The following RBFOX1 variants were observed in gnomAD, a reference collection of about 807,000 sequenced individuals.
RBFOX1 encodes the protein RNA binding protein fox-1 homolog 1.
A neutral mutation model predicts 57.7 loss-of-function variants in RBFOX1; 8 were observed. That is an observed-to-expected ratio of 0.14 (90% CI 0.08 to 0.25). RBFOX1 has a LOEUF of 0.25. Ranked by LOEUF, RBFOX1 falls within the 10% of genes least tolerant of loss-of-function variation. The pLI is 1.00. For missense variants in RBFOX1, 611 were observed against 548.5 expected, an observed-to-expected ratio of 1.11 and a Z score of -1.14; for synonymous variants, 326 against 222.4, an observed-to-expected ratio of 1.47 and a Z score of -4.15.
At chr16:7,208,384 C>T (rs1307462548) in intron 4 of RBFOX1, among the ~76,000 whole-genome samples, 1 of 152,172 alleles carries the variant, frequency 6.6e-6, no homozygotes, top group Non-Finnish European at 1.5e-5. Flanking sequence ...GCTTATGGTT[C>T]TGCAGGCTGT....
intron 1 of RBFOX1, among the ~76,000 whole-genome samples, chr16:5,264,735 G>A (rs370649956): frequency 6.6e-6 from 1 of 152,106 alleles, no homozygotes; most frequent in South Asian, 2.1e-4. Flanking sequence ...TGCAGTGTGA[G>A]ACTTCTAGCT....
intron 2 of RBFOX1, among the ~76,000 whole-genome samples, chr16:6,407,545 G>A (rs2093326421): frequency 1.3e-5 from 1 of 78,028 alleles, no homozygotes; most frequent in African/African-American, 7.4e-5. Context: ...AGAGGGGTGT[G>A]TGTGTGTGTG....
At chr16:6,286,526 A>G (rs1412910917) in intron 1 of RBFOX1, among the ~76,000 whole-genome samples, 7 of 152,222 alleles carry the variant, frequency 4.6e-5, no homozygotes, top group Non-Finnish European at 8.8e-5. Flanking sequence ...GAAATGAGAT[A>G]TGTGCTACCC....
chr16:5,642,296 T>G (rs1292359408), intron 3 of RBFOX1, among the ~76,000 whole-genome samples: 1 of 152,238 alleles, frequency 6.6e-6, no homozygotes, highest in Non-Finnish European at 1.5e-5. Flanking sequence ...ATGAATATCT[T>G]TCTTTAAGCA....
intron 4 of RBFOX1, among the ~76,000 whole-genome samples, chr16:7,116,742 C>T (rs1232674952): frequency 6.6e-6 from 1 of 152,108 alleles, no homozygotes; most frequent in African/African-American, 2.4e-5. Flanking sequence ...TGGAGATGTC[C>T]GACCTGCATT....
chr16:5,478,366 C>T (rs1216880761), intron 2 of RBFOX1, among the ~76,000 whole-genome samples: 1 of 152,062 alleles, frequency 6.6e-6, no homozygotes, highest in Non-Finnish European at 1.5e-5. Flanking sequence ...TCCTGGTGTG[C>T]TTCCAGGAAC....
chr16:6,623,400 C>A (rs1055661979), intron 2 of RBFOX1, among the ~76,000 whole-genome samples: 2 of 151,864 alleles, frequency 1.3e-5, no homozygotes, highest in African/African-American at 4.8e-5. Context: ...TTTCATGCAA[C>A]CCCTGGTACT....
chr16:7,287,811 T>G (rs1450507047), intron 4 of RBFOX1, among the ~76,000 whole-genome samples: 1 of 152,204 alleles, frequency 6.6e-6, no homozygotes, highest in East Asian at 1.9e-4. Flanking sequence ...ATTTTACATA[T>G]ATGGGGTATT....
At chr16:6,783,779 C>T (rs914921693) in intron 3 of RBFOX1, among the ~76,000 whole-genome samples, 7 of 152,112 alleles carry the variant, frequency 4.6e-5, no homozygotes, top group African/African-American at 1.7e-4. Flanking sequence ...ATTTGTACCC[C>T]TGTCTTTCAT....
intron 2 of RBFOX1, chr16:6,483,970 C>T (rs6500788): frequency 0.52 from 527,536 of 1,020,392 alleles, 137,532 homozygotes; most frequent in East Asian, 0.7. Context: ...CAGGGCTCGC[C>T]CTGGGTGCCC....
intron 3 of RBFOX1, among the ~76,000 whole-genome samples, chr16:6,809,814 C>T (rs951473271): frequency 6.6e-6 from 1 of 152,082 alleles, no homozygotes; most frequent in Non-Finnish European, 1.5e-5. Context: ...AATCTTATTC[C>T]AATTCTCTGG....
At chr16:7,292,211 TATATG>T (rs2095797418) in intron 4 of RBFOX1, among the ~76,000 whole-genome samples, 1 of 122,316 alleles carries the variant, frequency 8.2e-6, no homozygotes, top group Non-Finnish European at 1.6e-5. Flanking sequence ...ATATATCATA[TATATG>T]ATATATGATA....
In RBFOX1 at chr16:6,785,511, C is replaced by G. The variant is rs140417415; in HGVS notation, c.-16+130861C>G. ...TCTGGGCAACACCTTTCCATCCTACCTTCCCCAAAGCACACTCAGCAGTAG... is the reference window on the plus strand; with the variant it reads ...TCTGGGCAACACCTTTCCATCCTACGTTCCCCAAAGCACACTCAGCAGTAG... On this transcript the variant is annotated intron_variant, in intron 3 of 15. Coordinates refer to ENST00000550418, the MANE Select transcript of RBFOX1 (RefSeq NM_018723.4). Among the ~76,000 whole-genome samples the G allele has an allele frequency of 4.4e-3, 663 of 152,282 alleles. 4 individuals are homozygous for G. Among genetic ancestry groups the G allele is most frequent in the African/African-American group, 0.016 (645 of 41,562 alleles).
chr16:7,134,932 T>C (rs2071502297), intron 4 of RBFOX1, among the ~76,000 whole-genome samples: 1 of 152,112 alleles, frequency 6.6e-6, no homozygotes, highest in South Asian at 2.1e-4. Flanking sequence ...TTATCTTTTT[T>C]TTTTTTCAAT....
chr16:7,586,578 A>G (rs1403496234), intron 6 of RBFOX1, among the ~76,000 whole-genome samples: 6 of 152,172 alleles, frequency 3.9e-5, no homozygotes, highest in Non-Finnish European at 1.5e-5. Context: ...TCTGCATTTT[A>G]TTTGTCTCTA....
chr16:6,919,588 T>G (rs1397784544), intron 3 of RBFOX1, among the ~76,000 whole-genome samples: 1 of 152,116 alleles, frequency 6.6e-6, no homozygotes, highest in Non-Finnish European at 1.5e-5. Flanking sequence ...GAAATTTGTT[T>G]TAAAGGAAAC....
intron 5 of RBFOX1, among the ~76,000 whole-genome samples, chr16:7,564,029 C>T (rs1402787799): frequency 2.0e-5 from 3 of 152,114 alleles, no homozygotes; most frequent in South Asian, 2.1e-4. Context: ...TGTTTGTAGG[C>T]GCTGCCTCAG....
Position 5,310,842 on chromosome 16 carries a change from A to G in RBFOX1, c.219+70737A>G, listed in dbSNP as rs373733796. Among the ~76,000 whole-genome samples the G allele has an allele frequency of 6.0e-4, 91 of 152,330 alleles. 1 individual carries two copies. The South Asian group carries it at 6.4e-3, about 11-fold the overall frequency. ...CAAATGAAGTACACTCTTTTCTTTA[A>G]AATTTTTAAAAATTTCAATAGCTTT... is the stretch of plus-strand genomic sequence containing the variant. On this transcript the variant is annotated intron_variant, in intron 1 of 2. Coordinates refer to the RBFOX1 transcript ENST00000585867.
intron 3 of RBFOX1, among the ~76,000 whole-genome samples, chr16:5,759,677 C>T (rs554429861): frequency 1.3e-5 from 2 of 152,244 alleles, no homozygotes; most frequent in South Asian, 4.2e-4. Context: ...TGTCTGAATA[C>T]CTTGCAGTGT....
Sources: gnomAD v4.1 joint callset for allele counts (sites outside exome capture counted in the v4.1 genomes callset) on GRCh38, gnomAD v4.1.1 for gene constraint, MANE v1.5 for transcripts, NCBI Gene and HGNC (gene_info 2026-07-23, HGNC 2026-07-21) for gene names.